Variants in EML1 observed in about 807,000 individuals in gnomAD.
EML1 encodes the protein EMAP like 1.
In EML1, 27 loss-of-function variants were observed where a neutral mutation model predicts 110.4. The observed-to-expected ratio is 0.24, with a 90% CI of 0.18 to 0.34. The LOEUF (loss-of-function observed/expected upper bound fraction) is 0.34. Ranked by LOEUF, EML1 falls within the 10% of genes least tolerant of loss-of-function variation. EML1 has a pLI of 1.00. For missense variants in EML1, 741 were observed against 1,030.9 expected, an observed-to-expected ratio of 0.72 and a Z score of 3.85; for synonymous variants, 344 against 385.8, an observed-to-expected ratio of 0.89 and a Z score of 1.27.
chr14:99,782,405 T>C (rs1362778036), intron 1 of EML1, among the ~76,000 whole-genome samples: 2 of 152,172 alleles, frequency 1.3e-5, no homozygotes, highest in Admixed American at 6.5e-5. Context: ...ACTGGGGGCC[T>C]GTGTGAGTGT....
chr14:99,765,391 C>T (rs1251907360), intron 1 of EML1, among the ~76,000 whole-genome samples: 1 of 152,156 alleles, frequency 6.6e-6, no homozygotes, highest in Non-Finnish European at 1.5e-5. Context: ...CCCCACCACG[C>T]CAGGCCCCTG....
chr14:99,849,225 A>T (rs942582072), intron 1 of EML1, among the ~76,000 whole-genome samples: 1 of 152,172 alleles, frequency 6.6e-6, no homozygotes. Context: ...TTCTTGGAAG[A>T]TATTTTGCTG....
intron 1 of EML1, among the ~76,000 whole-genome samples, chr14:99,843,424 A>AAAC (rs59818798): frequency 7.2e-5 from 11 of 151,740 alleles, no homozygotes; most frequent in East Asian, 1.9e-4. Context: ...TTTTTATTGG[A>AAAC]AACAACAATA....
intron 2 of EML1, among the ~76,000 whole-genome samples, chr14:99,857,473 G>A (rs538928489): frequency 2.4e-4 from 37 of 152,136 alleles, no homozygotes; most frequent in African/African-American, 7.5e-4. Flanking sequence ...TAAAATGTAC[G>A]ATTCATTGAT....
intron 4 of EML1, among the ~76,000 whole-genome samples, chr14:99,889,854 G>A (rs2059556432): frequency 6.6e-6 from 1 of 152,146 alleles, no homozygotes. Context: ...AATGACCATA[G>A]TTTAGAGTTT....
Position 99,827,742 on chromosome 14 carries a change from C to T in EML1, c.68-23111C>T, listed in dbSNP as rs1330005749. On this transcript the variant is annotated intron_variant, in intron 1 of 21. Coordinates refer to ENST00000262233, the MANE Select transcript of EML1 (RefSeq NM_004434.3). The surrounding 1 kb of genome is among the most constrained non-coding windows in gnomAD (Gnocchi z 4.4). ...AAACGAACCCTGCTGACCTTGATCT[C>T]AGGAAGCTAAACTTGATCTCAGATG... 6.6e-6 allele frequency among the ~76,000 whole-genome samples: 1 copy of T among 152,154 alleles called. No homozygotes were observed. The highest frequency in any genetic ancestry group is 1.5e-5 in the Non-Finnish European group (1 of 68,028).
intron 6 of EML1, among the ~76,000 whole-genome samples, chr14:99,896,889 A>G (rs1438673406): frequency 2.0e-5 from 3 of 152,186 alleles, no homozygotes; most frequent in South Asian, 2.1e-4. Flanking sequence ...TAATTGACTC[A>G]ATAGCTTTCT....
chr14:99,756,669 C>T (rs2057258921), intron 1 of EML1, among the ~76,000 whole-genome samples: 1 of 152,160 alleles, frequency 6.6e-6, no homozygotes, highest in Non-Finnish European at 1.5e-5. Context: ...ACTGCAGTCG[C>T]CTGGAGGTGG....
At chr14:99,808,460 G>T (rs1349007906) in intron 1 of EML1, among the ~76,000 whole-genome samples, 1 of 152,190 alleles carries the variant, frequency 6.6e-6, no homozygotes. Context: ...ACAGTCATAG[G>T]TGGCAAAGCC....
rs111604152 is a variant in EML1 at position 99,797,570 on chromosome 14, T to C, written c.67+4027T>C. On this transcript the variant is annotated intron_variant, in intron 1 of 21. Coordinates refer to ENST00000262233, the MANE Select transcript of EML1 (RefSeq NM_004434.3). ...ATTAAGCTTGTTTTATTATACATTTTTGATAAAAGAATAAGTAATTAAGGA... is the reference window on the plus strand; with the variant it reads ...ATTAAGCTTGTTTTATTATACATTTCTGATAAAAGAATAAGTAATTAAGGA... 3.5e-3 allele frequency among the ~76,000 whole-genome samples: 528 copies of C among 152,312 alleles called. 2 individuals carry two copies. The highest frequency in any genetic ancestry group is 0.011 in the African/African-American group (451 of 41,570).
intron 1 of EML1, among the ~76,000 whole-genome samples, chr14:99,752,018 A>C (rs2057181713): frequency 6.6e-6 from 1 of 152,144 alleles, no homozygotes; most frequent in Admixed American, 6.5e-5. Flanking sequence ...AGGCAAACCC[A>C]AGGCCGTTTT....
At chr14:99,810,838 A>G (rs1418518830) in intron 1 of EML1, among the ~76,000 whole-genome samples, 1 of 152,240 alleles carries the variant, frequency 6.6e-6, no homozygotes, top group Non-Finnish European at 1.5e-5. Context: ...TGTTCTCAGC[A>G]CAAAAAAATG....
At chr14:99,821,531 G>T (rs2058262881) in intron 1 of EML1, among the ~76,000 whole-genome samples, 1 of 152,136 alleles carries the variant, frequency 6.6e-6, no homozygotes, top group Admixed American at 6.6e-5. Context: ...CAGTAGCCTT[G>T]CAAAACAAGA....
intron 5 of EML1, among the ~76,000 whole-genome samples, chr14:99,893,882 A>G (rs551835945): frequency 6.6e-6 from 1 of 152,248 alleles, no homozygotes; most frequent in South Asian, 2.1e-4. Context: ...ACACCCCAAG[A>G]TGTTCTTTTT....
chr14:99,844,318 A>G (rs1458382748), intron 1 of EML1, among the ~76,000 whole-genome samples: 2 of 152,128 alleles, frequency 1.3e-5, no homozygotes, highest in African/African-American at 4.8e-5. Flanking sequence ...GTCTCTACTG[A>G]AAATACAAAA....
At chr14:99,820,377 C>T (rs1034233224) in intron 1 of EML1, among the ~76,000 whole-genome samples, 3 of 152,168 alleles carry the variant, frequency 2.0e-5, no homozygotes, top group African/African-American at 7.2e-5. Context: ...GGAGAGGAAG[C>T]TTCTGTACGT....
intron 1 of EML1, among the ~76,000 whole-genome samples, chr14:99,802,017 G>A (rs2057890382): frequency 6.6e-6 from 1 of 152,172 alleles, no homozygotes; most frequent in East Asian, 1.9e-4. Context: ...TCTAAGAAGT[G>A]TAAGGAACAA....
upstream of EML1, among the ~76,000 whole-genome samples, chr14:99,772,542 C>A (rs4300578): frequency 6.6e-6 from 1 of 152,070 alleles, no homozygotes; most frequent in African/African-American, 2.4e-5. Context: ...ATTCCTCTCC[C>A]TAGGTTTGGA....
At chr14:99,860,449 G>A (rs2058983539) in intron 2 of EML1, among the ~76,000 whole-genome samples, 1 of 152,026 alleles carries the variant, frequency 6.6e-6, no homozygotes, top group South Asian at 2.1e-4. Flanking sequence ...ATTCATTACA[G>A]CTGCTCCTCT....
Sources: gnomAD v4.1 joint callset for allele counts (sites outside exome capture counted in the v4.1 genomes callset) on GRCh38, gnomAD v4.1.1 for gene constraint, Gnocchi (gnomAD v3.1) non-coding constraint, MANE v1.5 for transcripts, NCBI Gene and HGNC (gene_info 2026-07-23, HGNC 2026-07-21) for gene names.